Variants in HSD17B11 observed in about 807,000 individuals in gnomAD.
HSD17B11 encodes hydroxysteroid 17-beta dehydrogenase 11.
In HSD17B11, 22 loss-of-function variants were observed where a neutral mutation model predicts 27.8. The observed-to-expected ratio is 0.79, with a 90% CI of 0.56 to 1.13. The LOEUF is 1.13. Among genes scored for constraint, HSD17B11 ranks in the 50% most tolerant of loss-of-function variants. The pLI, the probability that HSD17B11 is intolerant of heterozygous loss-of-function variation, is 0.00. For synonymous variants in HSD17B11, 117 were observed against 132.8 expected, an observed-to-expected ratio of 0.88 and a Z score of 0.82; for missense variants, 314 against 351.1, an observed-to-expected ratio of 0.89 and a Z score of 0.84.
chr4:87,373,461 G>T (rs1735759744), intron 3 of HSD17B11, among the ~76,000 whole-genome samples: 1 of 152,116 alleles, frequency 6.6e-6, no homozygotes, highest in Non-Finnish European at 1.5e-5. Context: ...TGTAATCCCA[G>T]CACTTTGGGA....
intron 2 of HSD17B11, among the ~76,000 whole-genome samples, chr4:87,381,186 C>CCA (rs746118163): frequency 0.21 from 23,599 of 113,724 alleles, 2,250 homozygotes; most frequent in Non-Finnish European, 0.27. Context: ...GACTCCATTT[C>CCA]AAAAAAAAAA....
intron 4 of HSD17B11, among the ~76,000 whole-genome samples, chr4:87,369,521 A>G (rs1269676860): frequency 6.6e-6 from 1 of 151,630 alleles, no homozygotes; most frequent in East Asian, 1.9e-4. Flanking sequence ...GCTGCCTTCA[A>G]TTCCTGGGCT....
At chr4:87,389,761 A>G (rs1055244745) in intron 1 of HSD17B11, among the ~76,000 whole-genome samples, 1 of 152,186 alleles carries the variant, frequency 6.6e-6, no homozygotes. Flanking sequence ...GCCATCAGGT[A>G]TCTTCTAGAA....
At chr4:87,358,213 G>C (rs183678351) in intron 4 of HSD17B11, among the ~76,000 whole-genome samples, 2 of 151,794 alleles carry the variant, frequency 1.3e-5, no homozygotes, top group Non-Finnish European at 2.9e-5. Context: ...TGCCCACCTC[G>C]GCCTCCCAAA....
At chr4:87,364,708 T>G (rs1735585327) in intron 4 of HSD17B11, among the ~76,000 whole-genome samples, 1 of 152,236 alleles carries the variant, frequency 6.6e-6, no homozygotes, top group Admixed American at 6.5e-5. Context: ...TCCCGTAGTA[T>G]TTCCCTCCTT....
chr4:87,391,090 G>A lies in HSD17B11; in HGVS notation c.-20C>T. 2 of 1,512,290 alleles carry A rather than the reference G, an allele frequency of 1.3e-6. No homozygotes were observed. Among genetic ancestry groups the A allele is most frequent in the Non-Finnish European group, 1.8e-6 (2 of 1,125,318 alleles). 93.7% of individuals were successfully genotyped at this position (1,512,290 alleles called of 1,614,324 possible). A position where few individuals can be genotyped will look rare whatever the true frequency, so the allele number is the denominator to read the frequency against. On this transcript the variant is annotated 5_prime_UTR_variant, in exon 1 of 7. It adds an upstream start codon to the 5' untranslated region. Coordinates refer to ENST00000358290, the MANE Select transcript of HSD17B11 (RefSeq NM_016245.5). ...TTTCATCCCTTTTGTGGCTGCGAGC[G>A]TTTGGTGTGTTTTTTTTTTTTTTTA...
intron 6 of HSD17B11, among the ~76,000 whole-genome samples, chr4:87,339,681 T>G (rs1026995018): frequency 3.0e-4 from 45 of 152,210 alleles, no homozygotes; most frequent in Non-Finnish European, 5.7e-4. Context: ...CAGTGTGTTA[T>G]GATGAGACAT....
At chr4:87,390,776 T>G in intron 1 of HSD17B11, 85 bp downstream of exon 1, 1 of 1,149,468 alleles carries the variant, frequency 8.7e-7, no homozygotes, top group South Asian at 1.3e-5. Flanking sequence ...TTTGCAGAGA[T>G]GAGGTAAAGG....
chr4:87,375,582 A>T (rs989691790), intron 2 of HSD17B11, among the ~76,000 whole-genome samples: 1 of 152,214 alleles, frequency 6.6e-6, no homozygotes, highest in Non-Finnish European at 1.5e-5. Flanking sequence ...TCTCTACTAA[A>T]AATACAAAAT....
intron 4 of HSD17B11, among the ~76,000 whole-genome samples, chr4:87,370,755 A>ATTATTATTATTAT (rs70957229): frequency 3.3e-4 from 19 of 57,520 alleles, no homozygotes; most frequent in East Asian, 1.2e-3. Flanking sequence ...TATTATTATT[A>ATTATTATTATTAT]TTTTTTTTTT....
chr4:87,376,519 A>C (rs1242977443), intron 2 of HSD17B11, among the ~76,000 whole-genome samples: 3 of 146,614 alleles, frequency 2.0e-5, no homozygotes, highest in Non-Finnish European at 3.0e-5. Flanking sequence ...AAAAAAAAAA[A>C]AAACCCAAAA....
At chr4:87,384,582 G>A (rs958846261) in intron 1 of HSD17B11, among the ~76,000 whole-genome samples, 8 of 152,198 alleles carry the variant, frequency 5.3e-5, no homozygotes, top group South Asian at 2.1e-4. Flanking sequence ...TTCCTACGGG[G>A]AGGTCTATAA....
chr4:87,368,983 A>G (rs540239550), intron 4 of HSD17B11, among the ~76,000 whole-genome samples: 1 of 152,250 alleles, frequency 6.6e-6, no homozygotes, highest in African/African-American at 2.4e-5. Flanking sequence ...TTATTCCTTT[A>G]CTTTCTTAAT....
intron 1 of HSD17B11, among the ~76,000 whole-genome samples, chr4:87,383,926 C>G (rs571711000): frequency 6.6e-6 from 1 of 152,054 alleles, no homozygotes; most frequent in Admixed American, 6.5e-5. Flanking sequence ...TCAACTAATG[C>G]ACTAATGGGC....
intron 4 of HSD17B11, among the ~76,000 whole-genome samples, chr4:87,371,042 G>A (rs62319095): frequency 0.19 from 26,894 of 139,874 alleles, 3,607 homozygotes; most frequent in African/African-American, 0.36. Flanking sequence ...GTGAGCCACC[G>A]CGCCCGGCCT....
intron 2 of HSD17B11, among the ~76,000 whole-genome samples, chr4:87,375,551 G>T (rs1735803921): frequency 6.6e-6 from 1 of 152,188 alleles, no homozygotes; most frequent in South Asian, 2.1e-4. Flanking sequence ...AGACCAGCAT[G>T]ACCAACATGG....
intron 1 of HSD17B11, among the ~76,000 whole-genome samples, chr4:87,390,508 G>C (rs1034657469): frequency 6.6e-6 from 1 of 152,142 alleles, no homozygotes. Flanking sequence ...CTCTTAATAG[G>C]TACAAGCTTC....
chr4:87,382,104 A>T, intron 2 of HSD17B11, 151 bp downstream of exon 2: 3 of 573,628 alleles, frequency 5.2e-6, no homozygotes, highest in Non-Finnish European at 6.2e-6. Flanking sequence ...TCTCGGTTCT[A>T]GTTTTGGGTT....
intron 4 of HSD17B11, among the ~76,000 whole-genome samples, chr4:87,363,146 A>G (rs1735548693): frequency 6.6e-6 from 1 of 151,992 alleles, no homozygotes; most frequent in Admixed American, 6.6e-5. Flanking sequence ...TTCCTTTATG[A>G]TGCAGCTTGG....
Sources: gnomAD v4.1 joint callset for allele counts (sites outside exome capture counted in the v4.1 genomes callset) on GRCh38, gnomAD v4.1.1 for gene constraint, MANE v1.5 for transcripts, NCBI Gene and HGNC (gene_info 2026-07-23, HGNC 2026-07-21) for gene names.